The following CCDC170 variants were observed in gnomAD, a reference collection of about 807,000 sequenced individuals.
The protein encoded by CCDC170 is coiled-coil domain containing 170.
CCDC170 carries 69 observed loss-of-function variants against 72.6 expected under a neutral mutation model. That is an observed-to-expected ratio of 0.95 (90% confidence interval 0.78 to 1.16). The LOEUF is 1.16. Among genes scored for constraint, CCDC170 ranks in the 50% most tolerant of loss-of-function variants. CCDC170 has a pLI of 0.00. For synonymous variants in CCDC170, 300 were observed against 303.9 expected (o/e 0.99, Z 0.13); for missense variants, 852 against 832.5 (o/e 1.02, Z -0.29).
At chr6:151,562,330 C>T (rs1326157061) in intron 5 of CCDC170, among the ~76,000 whole-genome samples, 1 of 152,174 alleles carries the variant, frequency 6.6e-6, no homozygotes, top group African/African-American at 2.4e-5. Flanking sequence ...GAGTCCTTCT[C>T]AGGGAAATGT....
At chr6:151,544,907 A>G (rs1782748637) in intron 4 of CCDC170, among the ~76,000 whole-genome samples, 191 bp downstream of exon 4, 1 of 152,160 alleles carries the variant, frequency 6.6e-6, no homozygotes, top group African/African-American at 2.4e-5. Flanking sequence ...GATCTTTTCT[A>G]GCATTATTGG....
intron 5 of CCDC170, among the ~76,000 whole-genome samples, chr6:151,558,232 G>GGTTTTTTTTTTTTTTTT (rs1783018050): frequency 1.4e-5 from 1 of 70,880 alleles, no homozygotes; most frequent in African/African-American, 5.8e-5. Flanking sequence ...TGAGATTAGT[G>GGTTTTTTTTTTTTTTTT]TTTTTTTTTT....
At chr6:151,617,263 AC>A (rs1776982895) in intron 10 of CCDC170, among the ~76,000 whole-genome samples, 3 of 152,172 alleles carry the variant, frequency 2.0e-5, no homozygotes, top group Admixed American at 1.3e-4. Flanking sequence ...CCCAGCCCCT[AC>A]TTTTCTTTCT....
At chr6:151,594,145 G>A (rs1376714401) in intron 8 of CCDC170, among the ~76,000 whole-genome samples, 1 of 152,196 alleles carries the variant, frequency 6.6e-6, no homozygotes, top group East Asian at 1.9e-4. Flanking sequence ...TGGTATTGGG[G>A]AAAGAAATAG....
chr6:151,512,154 T>A (rs1041365363), intron 1 of CCDC170, among the ~76,000 whole-genome samples: 1 of 147,494 alleles, frequency 6.8e-6, no homozygotes, highest in Non-Finnish European at 1.5e-5. Flanking sequence ...AGTATACCGT[T>A]TTTTTTTGTT....
chr6:151,536,060 A>G (rs1002710723), intron 1 of CCDC170, among the ~76,000 whole-genome samples: 3 of 152,160 alleles, frequency 2.0e-5, no homozygotes, highest in African/African-American at 7.2e-5. Flanking sequence ...ACACTCTGCC[A>G]TAGGCCAATT....
intron 1 of CCDC170, among the ~76,000 whole-genome samples, chr6:151,498,405 T>C (rs1781941306): frequency 6.6e-6 from 1 of 152,208 alleles, no homozygotes; most frequent in African/African-American, 2.4e-5. Flanking sequence ...TCATATAAAA[T>C]ACATATAACA....
intron 1 of CCDC170, among the ~76,000 whole-genome samples, chr6:151,533,052 CTTTT>C (rs58383930): frequency 5.9e-5 from 7 of 118,018 alleles, no homozygotes; most frequent in African/African-American, 6.7e-5. Context: ...GACTATTTCT[CTTTT>C]TTTTTTTTTT....
Position 151,617,669 on chromosome 6 carries a change from C to T in CCDC170, c.1948-278C>T, listed in dbSNP as rs147352653. On this transcript the variant is annotated intron_variant, in intron 10 of 10. Transcript: ENST00000239374. ...TGAAGGCTTAGTGAGGTCTGGGTCT[C>T]ATTCATGGTTACTTAACTTGGATTC... Among the ~76,000 whole-genome samples the T allele has an allele frequency of 4.7e-3, 715 of 152,134 alleles. 6 individuals are homozygous for T. The highest frequency in any genetic ancestry group is 0.016 in the African/African-American group (677 of 41,502).
chr6:151,502,355 T>C (rs1782004759), intron 1 of CCDC170, among the ~76,000 whole-genome samples: 1 of 152,182 alleles, frequency 6.6e-6, no homozygotes, highest in Admixed American at 6.6e-5. Flanking sequence ...AGGGAGTGGG[T>C]CAGTCTCATA....
intron 1 of CCDC170, among the ~76,000 whole-genome samples, chr6:151,503,415 C>T (rs1327533068): frequency 2.0e-5 from 3 of 151,830 alleles, no homozygotes; most frequent in African/African-American, 7.3e-5. Context: ...GGTGCCAGGC[C>T]CTTGGGTGGG....
At chr6:151,612,754 A>G (rs920288897) in intron 9 of CCDC170, among the ~76,000 whole-genome samples, 5 of 152,166 alleles carry the variant, frequency 3.3e-5, no homozygotes, top group African/African-American at 1.2e-4. Context: ...TTAGGAAAGA[A>G]GGGATGGGAG....
At chr6:151,585,558 TG>T in intron 6 of CCDC170, among the ~76,000 whole-genome samples, 1 of 152,374 alleles carries the variant, frequency 6.6e-6, no homozygotes, top group East Asian at 1.9e-4. Context: ...CAGTACTTTT[TG>T]TCTTAATTCT....
intron 1 of CCDC170, among the ~76,000 whole-genome samples, chr6:151,531,244 T>A (rs1428473470): frequency 2.0e-5 from 3 of 152,130 alleles, no homozygotes; most frequent in Non-Finnish European, 4.4e-5. Flanking sequence ...AAAAGAAAGC[T>A]TAGAGCTGTA....
chr6:151,507,426 T>C (rs1236530518), intron 1 of CCDC170, among the ~76,000 whole-genome samples: 1 of 152,168 alleles, frequency 6.6e-6, no homozygotes, highest in East Asian at 1.9e-4. Context: ...TGCAACCCCA[T>C]TGTAAGTTCA....
intron 1 of CCDC170, among the ~76,000 whole-genome samples, chr6:151,530,006 T>G (rs1174627810): frequency 6.6e-6 from 1 of 152,190 alleles, no homozygotes; most frequent in East Asian, 1.9e-4. Context: ...AATAACAGCA[T>G]CAACCCATTT....
intron 5 of CCDC170, among the ~76,000 whole-genome samples, chr6:151,561,505 A>T (rs962767942): frequency 6.6e-6 from 1 of 151,836 alleles, no homozygotes; most frequent in South Asian, 2.1e-4. Flanking sequence ...TTGGCTGGCA[A>T]TTTTTTTCTT....
chr6:151,563,741 A>G (rs1776083570), intron 5 of CCDC170, among the ~76,000 whole-genome samples: 1 of 152,172 alleles, frequency 6.6e-6, no homozygotes, highest in Non-Finnish European at 1.5e-5. Context: ...CTGGATCACA[A>G]GGGCAGAGGG....
At chr6:151,580,332 A>G (rs1391403561) in intron 6 of CCDC170, among the ~76,000 whole-genome samples, 1 of 152,184 alleles carries the variant, frequency 6.6e-6, no homozygotes, top group Non-Finnish European at 1.5e-5. Flanking sequence ...ACGTGAAACC[A>G]CATCTCCTGA....
Sources: allele counts gnomAD v4.1 joint callset (sites outside exome capture counted in the v4.1 genomes callset), GRCh38; gene constraint gnomAD v4.1.1; transcripts MANE v1.5; gene names NCBI Gene and HGNC (gene_info 2026-07-23, HGNC 2026-07-21).